CDHR2: variants seen among roughly 807,000 people sequenced by gnomAD.
CDHR2 encodes cadherin-related family member 2.
A neutral mutation model predicts 138.6 loss-of-function variants in CDHR2; 104 were observed. The ratio of observed to expected loss-of-function variants is 0.75; its 90% CI spans 0.64 to 0.88. CDHR2 has a LOEUF of 0.88. CDHR2 is among the 40% of genes least tolerant of loss of function. The pLI, the probability that CDHR2 is intolerant of heterozygous loss-of-function variation, is 0.00. For missense variants in CDHR2, 1,624 were observed against 1,727.6 expected, an observed-to-expected ratio of 0.94 and a Z score of 1.06; for synonymous variants, 755 against 742.8, an observed-to-expected ratio of 1.02 and a Z score of -0.27.
At chr5:176,592,096 A>ATGGTGG (rs1329650566) in intron 30 of CDHR2, among the ~76,000 whole-genome samples, 2 of 44,682 alleles carry the variant, frequency 4.5e-5, no homozygotes, top group South Asian at 1.2e-3. Flanking sequence ...GGTGGTGGTG[A>ATGGTGG]TGGTGGTGGT....
intron 16 of CDHR2, among the ~76,000 whole-genome samples, chr5:176,580,739 T>C (rs1468083040): frequency 6.6e-6 from 1 of 151,610 alleles, no homozygotes; most frequent in East Asian, 1.9e-4. Context: ...TAGCCTGGTG[T>C]GGTGGTGGGT....
intron 16 of CDHR2, among the ~76,000 whole-genome samples, chr5:176,580,293 C>T (rs1758498362): frequency 6.6e-6 from 1 of 152,106 alleles, no homozygotes; most frequent in South Asian, 2.1e-4. Flanking sequence ...CTTTGGGAGG[C>T]CGAGGTGGGT....
At chr5:176,558,302 G>A (rs188305932) in intron 1 of CDHR2, among the ~76,000 whole-genome samples, 2,233 of 148,254 alleles carry the variant, frequency 0.015, 52 homozygotes, top group African/African-American at 0.052. Context: ...TGCAAGCTCC[G>A]TCTCCCGGGT....
At chr5:176,587,731 C>A (rs1400622099) in intron 21 of CDHR2, among the ~76,000 whole-genome samples, 1 of 152,146 alleles carries the variant, frequency 6.6e-6, no homozygotes, top group East Asian at 1.9e-4. Flanking sequence ...GACATGGGTA[C>A]AAGAGATGGA....
At chr5:176,590,957 C>T (rs1037908800) in intron 28 of CDHR2, among the ~76,000 whole-genome samples, 2 of 152,202 alleles carry the variant, frequency 1.3e-5, no homozygotes, top group Non-Finnish European at 2.9e-5. Flanking sequence ...ACACACTATG[C>T]GTTTAATAGA....
chr5:176,595,018 G>C (rs1372388172), intron 31 of CDHR2, among the ~76,000 whole-genome samples: 4 of 152,206 alleles, frequency 2.6e-5, no homozygotes, highest in Non-Finnish European at 5.9e-5. Context: ...TCACATCATG[G>C]ACACGCTTTT....
chr5:176,559,442 T>C (rs1757918089), intron 1 of CDHR2, among the ~76,000 whole-genome samples: 2 of 152,212 alleles, frequency 1.3e-5, no homozygotes, highest in South Asian at 4.1e-4. Context: ...CTCAAAATGC[T>C]TTGGCTTGGG....
At chr5:176,558,104 T>C (rs1182576695) in intron 1 of CDHR2, among the ~76,000 whole-genome samples, 2 of 152,126 alleles carry the variant, frequency 1.3e-5, no homozygotes, top group African/African-American at 4.8e-5. Flanking sequence ...CCATCGACCA[T>C]GGGAACGGGA....
At chr5:176,559,325 C>T (rs1757914078) in intron 1 of CDHR2, among the ~76,000 whole-genome samples, 2 of 152,316 alleles carry the variant, frequency 1.3e-5, no homozygotes, top group Admixed American at 1.3e-4. Context: ...CCATTAACTC[C>T]AGGATTGTTA....
intron 1 of CDHR2, among the ~76,000 whole-genome samples, chr5:176,559,805 C>T (rs944199960): frequency 6.6e-6 from 1 of 152,174 alleles, no homozygotes; most frequent in Non-Finnish European, 1.5e-5. Context: ...GCCCCTCCCC[C>T]ATCAGGAGAC....
At chr5:176,590,731 C>T in intron 28 of CDHR2, 44 bp downstream of exon 28, 1 of 1,611,282 alleles carries the variant, frequency 6.2e-7, no homozygotes, top group Non-Finnish European at 8.5e-7. Context: ...TCACCCTCTC[C>T]CACCACCCAA....
rs1035269482 is a variant in CDHR2, at chr5:176,566,629, G to A, written c.124+886G>A. ...GCGGGGGTCACGCAGCCTTCTTCCC[G>A]CTCAGTGGCCCGACTTCCCTAAGGC... On this transcript the variant is annotated intron_variant, in intron 3 of 31. Transcript: ENST00000261944. Among the ~76,000 whole-genome samples the A allele has an allele frequency of 3.3e-5, 5 of 152,052 alleles. No homozygotes were observed. The East Asian group carries it at 9.6e-4, about 29-fold the overall frequency.
Position 176,565,390 on chromosome 5 carries a change from C to A in CDHR2, c.38C>A (p.Ala13Asp). The A allele has an allele frequency of 6.2e-7, 1 of 1,614,082 alleles. No homozygotes were observed. Among genetic ancestry groups the A allele is most frequent in the Non-Finnish European group, 8.5e-7 (1 of 1,179,964 alleles). ...TGGCTGTCCTGCTTCCTCCTTCCTGCCCTCGTGGTGTCTGGTAGGTGTCTC... is the reference window on the plus strand; with the variant it reads ...TGGCTGTCCTGCTTCCTCCTTCCTGACCTCGTGGTGTCTGGTAGGTGTCTC... Reference protein sequence around the residue: ...QLWLSCFLLPALVVSVAANVA... With the variant: ...QLWLSCFLLPDLVVSVAANVA... Residue 13 changes from alanine (A) to aspartate (D), a missense_variant, in exon 2 of 32, where the codon GCC (alanine) becomes GAC (aspartate). Around this residue, in one of 3 missense-constraint regions of CDHR2, gnomAD observed 1,061 missense variants for 1,136.6 expected, o/e 0.93. Transcript: ENST00000261944.
rs374920977 is a variant in CDHR2, at chr5:176,578,078, C to T, written c.1557C>T (p.Ser519=). 5.6e-6 allele frequency: 9 copies of T among 1,612,778 alleles called. No individual in the cohort carries two copies. In the African/African-American group the frequency reaches 9.3e-5, roughly 17 times the overall value. Residue 519 remains serine (S), a synonymous_variant, in exon 15 of 32, where the codon AGC becomes AGT. Coordinates refer to ENST00000261944, the MANE Select transcript of CDHR2 (RefSeq NM_017675.6). Reference sequence around the variant, plus strand: ...GCGCGTGGGGCCAAATTACCTACAGCCTGCTCCCAGGAAATGGGTAAGGGC... The same window carrying T: ...GCGCGTGGGGCCAAATTACCTACAGTCTGCTCCCAGGAAATGGGTAAGGGC... ...DTGAWGQITY[S]LLPGNGADLF...
At chr5:176,568,034 C>T (rs180683268) in intron 3 of CDHR2, among the ~76,000 whole-genome samples, 82 of 152,316 alleles carry the variant, frequency 5.4e-4, no homozygotes, top group Admixed American at 4.4e-3. Flanking sequence ...TGGCGGAGCT[C>T]CAGGGAAACG....
At chr5:176,551,947 C>A (rs1052766102) in intron 1 of CDHR2, among the ~76,000 whole-genome samples, 1 of 151,994 alleles carries the variant, frequency 6.6e-6, no homozygotes, top group South Asian at 2.1e-4. Flanking sequence ...ATCTCCTGAC[C>A]CCGACCCCGT....
At chr5:176,579,869 C>T (rs1459965094) in intron 16 of CDHR2, among the ~76,000 whole-genome samples, 1 of 152,110 alleles carries the variant, frequency 6.6e-6, no homozygotes, top group East Asian at 1.9e-4. Flanking sequence ...GCCCCCCAGG[C>T]GGCTCCCAGT....
In CDHR2 at chr5:176,578,075, C is replaced by T; in HGVS notation, c.1554C>T (p.Tyr518=). 1 of 1,612,984 alleles carries T rather than the reference C, an allele frequency of 6.2e-7. No individual in the cohort carries two copies. The change falls in exon 15 of 32, where the codon TAC becomes TAT. Residue 518 remains tyrosine, a synonymous_variant. Coordinates refer to ENST00000261944, the MANE Select transcript of CDHR2 (RefSeq NM_017675.6). ...CGGGCGCGTGGGGCCAAATTACCTA[C>T]AGCCTGCTCCCAGGAAATGGGTAAG... is the stretch of plus-strand genomic sequence containing the variant. ...PDTGAWGQIT[Y]SLLPGNGADL...
chr5:176,560,058 A>G (rs1170318314), intron 1 of CDHR2, among the ~76,000 whole-genome samples: 1 of 152,182 alleles, frequency 6.6e-6, no homozygotes, highest in African/African-American at 2.4e-5. Context: ...TCTCTCCCTA[A>G]CCAGCAAGGC....
Sources: allele counts gnomAD v4.1 joint callset (sites outside exome capture counted in the v4.1 genomes callset), GRCh38; gene constraint gnomAD v4.1.1; regional missense constraint gnomAD v4.1.1; transcripts MANE v1.5; gene names NCBI Gene and HGNC (gene_info 2026-07-23, HGNC 2026-07-21).